GALNT13: variants seen among roughly 807,000 people sequenced by gnomAD.
GALNT13 encodes UDP-GalNAc:polypeptide N-acetylgalactosaminyltransferase 13.
Under a neutral mutation model 64.2 loss-of-function variants are expected in GALNT13, and 28 were observed. The ratio of observed to expected loss-of-function variants is 0.44; its 90% confidence interval spans 0.32 to 0.60. The LOEUF (loss-of-function observed/expected upper bound fraction) is 0.60. GALNT13 is among the 20% of genes least tolerant of loss of function. The pLI is 0.05. For synonymous variants in GALNT13, 214 were observed against 224.6 expected (o/e 0.95, Z 0.42); for missense variants, 577 against 669.8 (o/e 0.86, Z 1.53).
At chr2:154,258,924 A>C (rs144226345) in intron 7 of GALNT13, 97 bp from the exon 8 acceptor site, 1 of 643,702 alleles carries the variant, frequency 1.6e-6, no homozygotes, top group East Asian at 2.9e-5. Flanking sequence ...GATTTTTTAA[A>C]TATTTAGAAT....
At chr2:153,927,228 G>A (rs539709667) in intron 2 of GALNT13, among the ~76,000 whole-genome samples, 131 of 152,032 alleles carry the variant, frequency 8.6e-4, no homozygotes, top group Non-Finnish European at 1.7e-3. Flanking sequence ...GAAAGGACCC[G>A]TTTATCCCAT....
chr2:154,413,724 T>A (rs1010883244), intron 11 of GALNT13, among the ~76,000 whole-genome samples: 38 of 152,012 alleles, frequency 2.5e-4, no homozygotes, highest in African/African-American at 8.9e-4. Flanking sequence ...ACTAAAAAAC[T>A]TAAGACACAC....
chr2:153,421,240 T>G, the GALNT13 span: 1 of 182,710 alleles, frequency 5.5e-6, no homozygotes, highest in Non-Finnish European at 1.2e-5. Flanking sequence ...CAGGTCGGTC[T>G]GGAATTCTGT....
At chr2:153,407,033 CA>C in the GALNT13 span, among the ~76,000 whole-genome samples, 1 of 151,964 alleles carries the variant, frequency 6.6e-6, no homozygotes, top group Non-Finnish European at 1.5e-5. Context: ...ACAATTAAAA[CA>C]ATAAATATAT....
the GALNT13 span, among the ~76,000 whole-genome samples, chr2:153,434,574 T>C: frequency 6.6e-6 from 1 of 152,232 alleles, no homozygotes; most frequent in Non-Finnish European, 1.5e-5. Context: ...ATTTCTCTGA[T>C]GGCCAGTGAT....
intron 4 of GALNT13, among the ~76,000 whole-genome samples, chr2:154,169,602 A>G (rs1685241989): frequency 6.6e-6 from 1 of 152,216 alleles, no homozygotes; most frequent in Middle Eastern, 3.4e-3. Context: ...TATGCCCTGA[A>G]TCAATCAATC....
intron 4 of GALNT13, among the ~76,000 whole-genome samples, chr2:154,154,654 A>C (rs1024685630): frequency 1.3e-5 from 2 of 152,140 alleles, no homozygotes; most frequent in African/African-American, 2.4e-5. Context: ...ATATGTAGTA[A>C]TTAATTAAAA....
the GALNT13 span, among the ~76,000 whole-genome samples, chr2:153,621,397 T>C: frequency 6.6e-6 from 1 of 152,110 alleles, no homozygotes; most frequent in Non-Finnish European, 1.5e-5. Context: ...GGGTCAGATC[T>C]GAAGCCAGAA....
the GALNT13 span, among the ~76,000 whole-genome samples, chr2:153,701,069 G>A: frequency 1.3e-5 from 2 of 152,030 alleles, no homozygotes; most frequent in Non-Finnish European, 2.9e-5. Context: ...AAAGCTAAAG[G>A]CATCATGCTG....
the GALNT13 span, among the ~76,000 whole-genome samples, chr2:153,255,040 C>T: frequency 2.6e-5 from 4 of 151,992 alleles, no homozygotes; most frequent in East Asian, 1.9e-4. Context: ...CTTTCTGTCT[C>T]GTTGATCTGT....
At chr2:153,919,132 G>A (rs9288298) in intron 2 of GALNT13, among the ~76,000 whole-genome samples, 37,172 of 151,800 alleles carry the variant, frequency 0.24, 4,850 homozygotes, top group Non-Finnish European at 0.28. Context: ...TGATAGCATT[G>A]CCCAATCTCA....
At chr2:153,258,108 A>G in the GALNT13 span, among the ~76,000 whole-genome samples, 1 of 152,354 alleles carries the variant, frequency 6.6e-6, no homozygotes, top group South Asian at 2.1e-4. Flanking sequence ...AAAGTCTTAG[A>G]GATTCCTTAT....
the GALNT13 span, among the ~76,000 whole-genome samples, chr2:153,263,204 G>A: frequency 6.6e-6 from 1 of 151,858 alleles, no homozygotes; most frequent in Non-Finnish European, 1.5e-5. Context: ...CAATTGCTAG[G>A]AAAAGAATAA....
chr2:153,207,708 G>A, the GALNT13 span, among the ~76,000 whole-genome samples: 1 of 152,058 alleles, frequency 6.6e-6, no homozygotes, highest in Non-Finnish European at 1.5e-5. Context: ...ATTTATATTA[G>A]CTTAAACTCT....
At chr2:153,757,274 T>A in the GALNT13 span, among the ~76,000 whole-genome samples, 2 of 152,178 alleles carry the variant, frequency 1.3e-5, no homozygotes, top group Non-Finnish European at 2.9e-5. Flanking sequence ...GTGGCCTTTG[T>A]CTTTCTATAG....
the GALNT13 span, among the ~76,000 whole-genome samples, chr2:153,271,348 C>T: frequency 1.3e-5 from 2 of 152,158 alleles, no homozygotes; most frequent in Admixed American, 1.3e-4. Flanking sequence ...TTGCAGATGA[C>T]ATGACTGTAT....
chr2:154,189,265 A>T (rs1307272766), intron 4 of GALNT13, among the ~76,000 whole-genome samples: 3 of 152,140 alleles, frequency 2.0e-5, no homozygotes, highest in Non-Finnish European at 4.4e-5. Flanking sequence ...TATAAAATTT[A>T]AAAGTTGGAT....
intron 4 of GALNT13, among the ~76,000 whole-genome samples, chr2:154,148,225 T>G (rs10208205): frequency 0.049 from 7,505 of 151,928 alleles, 365 homozygotes; most frequent in African/African-American, 0.12. Flanking sequence ...GATTTCCAAT[T>G]TCATCCATGT....
At chr2:153,474,047 G>A in the GALNT13 span, among the ~76,000 whole-genome samples, 3 of 152,102 alleles carry the variant, frequency 2.0e-5, no homozygotes, top group Non-Finnish European at 4.4e-5. Context: ...ACTCTGGCCT[G>A]GCTAGGTGTC....
Sources: allele counts gnomAD v4.1 joint callset (sites outside exome capture counted in the v4.1 genomes callset), GRCh38; gene constraint gnomAD v4.1.1; transcripts MANE v1.5; gene names NCBI Gene and HGNC (gene_info 2026-07-23, HGNC 2026-07-21).